SLC39A11: variants seen among roughly 807,000 people sequenced by gnomAD.
SLC39A11 encodes solute carrier family 39 member 11, also known as zinc transporter ZIP11.
SLC39A11 carries 33 observed loss-of-function variants against 36.1 expected under a neutral mutation model. That is an observed-to-expected ratio of 0.91 (90% CI 0.69 to 1.22). The LOEUF is 1.22. Ranked by LOEUF, SLC39A11 falls within the 50% of genes most tolerant of loss-of-function variation. SLC39A11 has a pLI of 0.00. For synonymous variants in SLC39A11, 166 were observed against 170.3 expected, an observed-to-expected ratio of 0.97 and a Z score of 0.20; for missense variants, 432 against 430.3, an observed-to-expected ratio of 1.00 and a Z score of -0.03.
At chr17:73,077,614 T>C (rs992317475) in intron 3 of SLC39A11, among the ~76,000 whole-genome samples, 3 of 152,156 alleles carry the variant, frequency 2.0e-5, no homozygotes, top group Non-Finnish European at 2.9e-5. Flanking sequence ...AGGTGTGAGA[T>C]ATCGCATCTG....
At chr17:72,913,607 C>T (rs1181485090) in intron 5 of SLC39A11, among the ~76,000 whole-genome samples, 5 of 152,036 alleles carry the variant, frequency 3.3e-5, no homozygotes, top group African/African-American at 4.8e-5. Flanking sequence ...GACTAATCAC[C>T]GTGGGAAACA....
In SLC39A11 at chr17:72,646,588, GT is replaced by G. The variant is rs2069573181; in HGVS notation, c.*995del. ...TGGCAAGGCCTGTTGCAGCTCAAGA[GT>G]TTTTGTCAGATTATAAGTTACCAAA... On this transcript the variant is annotated 3_prime_UTR_variant, in exon 10 of 10. Coordinates refer to ENST00000255559, the MANE Select transcript of SLC39A11 (RefSeq NM_139177.4). The G allele has an allele frequency of 8.1e-6, 1 of 124,090 alleles. No individual in the cohort carries two copies. The highest frequency in any genetic ancestry group is 8.7e-5 in the Admixed American group (1 of 11,468). The allele number at this position is 124,090 out of a possible 1,614,324, so 7.7% of individuals were successfully genotyped here. A position where few individuals can be genotyped will look rare whatever the true frequency, so the allele number is the denominator to read the frequency against.
chr17:73,048,581 GCT>G (rs2059396023), intron 3 of SLC39A11, among the ~76,000 whole-genome samples: 1 of 152,160 alleles, frequency 6.6e-6, no homozygotes. Flanking sequence ...TCAAACGGTA[GCT>G]CTGTTTTAAG....
chr17:72,696,233 C>T (rs758393888), intron 7 of SLC39A11, among the ~76,000 whole-genome samples: 2 of 151,906 alleles, frequency 1.3e-5, no homozygotes, highest in African/African-American at 4.8e-5. Context: ...AGGTGGAGAT[C>T]GGAAAGCATG....
intron 3 of SLC39A11, among the ~76,000 whole-genome samples, chr17:73,074,455 G>A (rs1039364461): frequency 1.3e-5 from 2 of 151,870 alleles, no homozygotes. Context: ...CCACCACCAC[G>A]CCCGGCTAAT....
chr17:73,011,764 C>T (rs141731886), intron 4 of SLC39A11, among the ~76,000 whole-genome samples: 220 of 150,868 alleles, frequency 1.5e-3, no homozygotes, highest in Non-Finnish European at 2.4e-3. Context: ...TAGGTTCAAG[C>T]AATTCTCCTG....
intron 3 of SLC39A11, chr17:73,068,186 G>A (rs1007421392): frequency 1.4e-5 from 17 of 1,208,032 alleles, no homozygotes; most frequent in South Asian, 6.7e-5. Flanking sequence ...AGTGGAAGAC[G>A]GGGGCTCCAG....
intron 5 of SLC39A11, among the ~76,000 whole-genome samples, chr17:72,889,214 TATATAAA>T (rs1434468026): frequency 6.6e-6 from 1 of 152,064 alleles, no homozygotes; most frequent in Non-Finnish European, 1.5e-5. Context: ...AATAAAATAT[TATATAAA>T]ATATATTACA....
intron 5 of SLC39A11, among the ~76,000 whole-genome samples, chr17:72,911,531 G>A (rs548264654): frequency 4.7e-4 from 71 of 151,910 alleles, no homozygotes; most frequent in Non-Finnish European, 8.2e-4. Context: ...TTACCCTCCC[G>A]ACCTCCCTTT....
At chr17:72,691,555 T>C (rs1327638009) in intron 7 of SLC39A11, among the ~76,000 whole-genome samples, 2 of 152,222 alleles carry the variant, frequency 1.3e-5, no homozygotes, top group South Asian at 2.1e-4. Context: ...CACTAACAGT[T>C]CAGTGGCTGG....
intron 4 of SLC39A11, among the ~76,000 whole-genome samples, chr17:73,007,466 C>CCAT (rs2090250385): frequency 6.6e-6 from 1 of 152,280 alleles, no homozygotes; most frequent in African/African-American, 2.4e-5. Context: ...CAGGGCAACG[C>CCAT]CATCATCATC....
intron 6 of SLC39A11, among the ~76,000 whole-genome samples, chr17:72,743,266 G>A (rs2074790448): frequency 6.6e-6 from 1 of 152,130 alleles, no homozygotes; most frequent in Admixed American, 6.5e-5. Context: ...CTGCTGCCCA[G>A]TTTGCTTGCA....
chr17:72,784,154 G>A (rs765641729), intron 6 of SLC39A11, among the ~76,000 whole-genome samples: 11 of 152,156 alleles, frequency 7.2e-5, no homozygotes, highest in Non-Finnish European at 1.2e-4. Flanking sequence ...AGACCAGCCT[G>A]GCCAACACGG....
At chr17:72,955,251 T>C (rs1182517279) in intron 4 of SLC39A11, among the ~76,000 whole-genome samples, 1 of 149,360 alleles carries the variant, frequency 6.7e-6, no homozygotes, top group South Asian at 2.1e-4. Flanking sequence ...ATGTACTCCC[T>C]TCCATCCTCC....
chr17:72,886,625 A>G (rs2081449247), intron 5 of SLC39A11, among the ~76,000 whole-genome samples: 1 of 152,154 alleles, frequency 6.6e-6, no homozygotes, highest in African/African-American at 2.4e-5. Context: ...ATAGCCACCC[A>G]AACAATACTT....
At position 72,968,007 on chromosome 17, in the gene SLC39A11, T is replaced by C. The variant is rs2087143992; in HGVS notation, c.307-20132A>G. Among the ~76,000 whole-genome samples, 3 of 151,956 alleles carry C rather than the reference T, an allele frequency of 2.0e-5. 1 individual carries two copies. The South Asian group carries it at 6.3e-4, about 32-fold the overall frequency. On this transcript the variant is annotated intron_variant, in intron 4 of 9. Transcript: ENST00000255559. Reference sequence around the variant, plus strand: ...TCCACCCCAGACCCCAGCCTCCTTCTTCTCCACCTCCTGACAGCATCAGCC... The same window carrying C: ...TCCACCCCAGACCCCAGCCTCCTTCCTCTCCACCTCCTGACAGCATCAGCC...
At chr17:72,975,213 T>C (rs1455706395) in intron 4 of SLC39A11, among the ~76,000 whole-genome samples, 1 of 152,134 alleles carries the variant, frequency 6.6e-6, no homozygotes, top group Non-Finnish European at 1.5e-5. Flanking sequence ...CCAAGGCACA[T>C]GGATCACCTA....
At chr17:72,805,752 C>CTT (rs547328994) in intron 6 of SLC39A11, among the ~76,000 whole-genome samples, 1 of 145,640 alleles carries the variant, frequency 6.9e-6, no homozygotes, top group Non-Finnish European at 1.5e-5. Flanking sequence ...TTTTCTTTTT[C>CTT]TTTTTTTTTT....
At chr17:72,735,227 G>A (rs1237266316) in intron 7 of SLC39A11, among the ~76,000 whole-genome samples, 1 of 152,114 alleles carries the variant, frequency 6.6e-6, no homozygotes, top group African/African-American at 2.4e-5. Flanking sequence ...GAGCAGGCAC[G>A]CTTCTTAACG....
Sources: gnomAD v4.1 joint callset for allele counts (sites outside exome capture counted in the v4.1 genomes callset) on GRCh38, gnomAD v4.1.1 for gene constraint, MANE v1.5 for transcripts, NCBI Gene and HGNC (gene_info 2026-07-23, HGNC 2026-07-21) for gene names.